The following RPAP3 variants were observed in gnomAD, a reference collection of about 807,000 sequenced individuals.
The protein encoded by RPAP3 is RNA polymerase II-associated protein 3.
RPAP3 carries 58 observed loss-of-function variants against 88.8 expected under a neutral mutation model. The ratio of observed to expected loss-of-function variants is 0.65; its 90% CI spans 0.53 to 0.81. The LOEUF (loss-of-function observed/expected upper bound fraction) is 0.81. Among genes scored for constraint, RPAP3 ranks in the 40% least tolerant of loss-of-function variants. The pLI is 0.00. For synonymous variants in RPAP3, 255 were observed against 259.9 expected, an observed-to-expected ratio of 0.98 and a Z score of 0.18; for missense variants, 751 against 764.3, an observed-to-expected ratio of 0.98 and a Z score of 0.20.
At chr12:47,698,670 T>C (rs1323292243) in intron 3 of RPAP3, among the ~76,000 whole-genome samples, 1 of 152,114 alleles carries the variant, frequency 6.6e-6, no homozygotes, top group Non-Finnish European at 1.5e-5. Context: ...TGCACCACCA[T>C]GCGCAGCTAA....
chr12:47,672,436 G>A (rs1939018781), intron 12 of RPAP3, among the ~76,000 whole-genome samples: 1 of 152,186 alleles, frequency 6.6e-6, no homozygotes, highest in Non-Finnish European at 1.5e-5. Flanking sequence ...AATTGCCTCA[G>A]CATTTATGCA....
chr12:47,704,530 G>C (rs1939735425), intron 1 of RPAP3, among the ~76,000 whole-genome samples: 1 of 149,878 alleles, frequency 6.7e-6, no homozygotes, highest in Non-Finnish European at 1.5e-5. Flanking sequence ...CACCACGCCC[G>C]GCTAATTTTT....
At chr12:47,692,271 G>A (rs774089028) in intron 5 of RPAP3, among the ~76,000 whole-genome samples, 9 of 152,334 alleles carry the variant, frequency 5.9e-5, no homozygotes, top group South Asian at 2.1e-4. Flanking sequence ...AGCTGTGAAC[G>A]CCCTAGATGG....
In RPAP3 at chr12:47,697,690, G is replaced by T. The variant is rs150350108; in HGVS notation, c.324C>A (p.Asp108Glu). The T allele has an allele frequency of 3.0e-4, 480 of 1,606,734 alleles. 2 individuals carry two copies. Among genetic ancestry groups the T allele is most frequent in the Non-Finnish European group, 3.5e-4 (417 of 1,177,014 alleles). ...VDRILDELDK[D>E]DSTHESLSQE... ...GAGACAGAGACTCATGGGTACTATC[G>T]TCTTTGTCAAGCTCATCAAGGATAC... The change falls in exon 4 of 17, where the codon GAC becomes GAA. Residue 108 changes from aspartate (D) to glutamate (E), a missense_variant. By Grantham distance (45) the Asp-to-Glu change is conservative (BLOSUM62 2). Coordinates refer to ENST00000005386, the MANE Select transcript of RPAP3 (RefSeq NM_024604.3).
In RPAP3 at chr12:47,701,592, T is replaced by C. The variant is rs773222451; in HGVS notation, c.166A>G (p.Ile56Val). The change falls in exon 3 of 17, where the codon ATT (isoleucine) becomes GTT (valine). Residue 56 changes from isoleucine to valine, a missense_variant. By Grantham distance (29) the Ile-to-Val change is conservative. Transcript: ENST00000005386. Reference protein sequence around the residue: ...NGVPEENLPPIRNGNFRKKKK... With the variant: ...NGVPEENLPPVRNGNFRKKKK... ...TTTTTCCTAAAATTCCCATTTCGAATAGGAGGTAAATTCTAAGGAGGGAAA... is the reference window on the plus strand; with the variant it reads ...TTTTTCCTAAAATTCCCATTTCGAACAGGAGGTAAATTCTAAGGAGGGAAA... 7.5e-6 allele frequency: 12 copies of C among 1,589,622 alleles called. No homozygotes were observed. The highest frequency in any genetic ancestry group is 2.3e-5 in the East Asian group (1 of 43,870).
At chr12:47,673,444 CAAAAAAAAAAAAAAA>C (rs35080899) in intron 12 of RPAP3, among the ~76,000 whole-genome samples, 12 of 60,766 alleles carry the variant, frequency 2.0e-4, no homozygotes, top group Admixed American at 3.7e-4. Flanking sequence ...AACTCCGTCT[CAAAAAAAAAAAAAAA>C]AAAAAAAAAA....
intron 15 of RPAP3, 82 bp downstream of exon 15, chr12:47,667,672 T>G (rs1314116104): frequency 2.8e-6 from 2 of 714,168 alleles, no homozygotes; most frequent in Non-Finnish European, 4.7e-6. Context: ...CTTAATCATT[T>G]TAATTAAAAT....
chr12:47,690,837 G>C (rs768709617), intron 5 of RPAP3, among the ~76,000 whole-genome samples, 198 bp from the exon 6 acceptor site: 2 of 152,166 alleles, frequency 1.3e-5, no homozygotes, highest in Non-Finnish European at 2.9e-5. Flanking sequence ...TTTGATTCTA[G>C]ACCACCACAA....
chr12:47,668,982 C>A lies in RPAP3; in HGVS notation c.1647G>T (p.Ser549=), dbSNP rs143362784. The A allele has an allele frequency of 6.2e-7, 1 of 1,613,984 alleles. No individual in the cohort carries two copies. Residue 549 remains serine, a synonymous_variant, in exon 14 of 17, where the codon TCG becomes TCT. Coordinates refer to ENST00000005386, the MANE Select transcript of RPAP3 (RefSeq NM_024604.3). ...GTCTGAAATCAGATTCGAGCTGGAA[C>A]GAGTTTGCAGGAATTGGAGGAAGAA... ...TTVLPPIPAN[S]FQLESDFRQL...
rs755812881 is a variant in RPAP3 at position 47,669,104 on chromosome 12, T to C, written c.1527-2A>G. 8.1e-6 allele frequency: 13 copies of C among 1,606,926 alleles called. No individual in the cohort carries two copies. The highest frequency in any genetic ancestry group is 1.1e-5 in the Non-Finnish European group (13 of 1,174,500). On this transcript the variant is annotated splice_acceptor_variant, in intron 13 of 16. Coordinates refer to ENST00000005386, the MANE Select transcript of RPAP3 (RefSeq NM_024604.3). LOFTEE classifies it high-confidence loss of function. Reference sequence around the variant, plus strand: ...TCCTGCTTCAAACTGGCTTGAGGTCTGAAATATTTCAGAGGTATCAAACAG... The same window carrying C: ...TCCTGCTTCAAACTGGCTTGAGGTCCGAAATATTTCAGAGGTATCAAACAG...
At chr12:47,698,425 C>T (rs180678971) in intron 3 of RPAP3, among the ~76,000 whole-genome samples, 67 of 152,268 alleles carry the variant, frequency 4.4e-4, no homozygotes, top group African/African-American at 1.6e-3. Context: ...ACTCACACTA[C>T]TTTCATGGTA....
chr12:47,688,241 C>T (rs7960755), intron 7 of RPAP3, among the ~76,000 whole-genome samples: 1 of 152,034 alleles, frequency 6.6e-6, no homozygotes, highest in East Asian at 1.9e-4. Context: ...ACGCCACATA[C>T]TGCATGTTTT....
intron 9 of RPAP3, among the ~76,000 whole-genome samples, chr12:47,684,969 G>C (rs1939293581): frequency 6.6e-6 from 1 of 152,086 alleles, no homozygotes; most frequent in Non-Finnish European, 1.5e-5. Flanking sequence ...GAGGGATGTG[G>C]AAACTTGTTT....
chr12:47,694,984 T>A (rs977662905), intron 5 of RPAP3, among the ~76,000 whole-genome samples: 3 of 152,184 alleles, frequency 2.0e-5, no homozygotes, highest in Admixed American at 2.0e-4. Context: ...TTTGCCATCA[T>A]CCTGTGAAGC....
intron 3 of RPAP3, among the ~76,000 whole-genome samples, 183 bp from the exon 4 acceptor site, chr12:47,697,902 G>C (rs567878464): frequency 6.6e-6 from 1 of 152,180 alleles, no homozygotes; most frequent in South Asian, 2.1e-4. Context: ...AGATGCCTTA[G>C]CTTAGAAAAC....
chr12:47,672,924 T>C (rs992966482), intron 12 of RPAP3, among the ~76,000 whole-genome samples: 1 of 152,212 alleles, frequency 6.6e-6, no homozygotes, highest in African/African-American at 2.4e-5. Flanking sequence ...GGCAATGTCT[T>C]TATAATTATG....
rs527550880 is a variant in RPAP3, at chr12:47,705,304, G to A, written c.-7+648C>T. Among the ~76,000 whole-genome samples the A allele has an allele frequency of 1.1e-4, 17 of 152,298 alleles. No homozygotes were observed. The South Asian group carries it at 3.5e-3, about 32-fold the overall frequency. ...CAGATGCAGATAGGTCTTCTGACTC[G>A]TAGCCTCAACAACTAAATTAGGTTT... is the stretch of plus-strand genomic sequence containing the variant. On this transcript the variant is annotated intron_variant, in intron 1 of 16. Coordinates refer to ENST00000005386, the MANE Select transcript of RPAP3 (RefSeq NM_024604.3).
intron 5 of RPAP3, among the ~76,000 whole-genome samples, chr12:47,693,822 A>AG (rs1426267416): frequency 1.3e-5 from 2 of 152,264 alleles, no homozygotes; most frequent in Non-Finnish European, 2.9e-5. Flanking sequence ...AAGTATTACA[A>AG]GTTTAGTAAG....
chr12:47,678,425 T>C (rs1939158444), intron 12 of RPAP3, among the ~76,000 whole-genome samples: 1 of 152,216 alleles, frequency 6.6e-6, no homozygotes, highest in East Asian at 1.9e-4. Flanking sequence ...AAAGAGCTTC[T>C]GCATGGCAAA....
Sources: gnomAD v4.1 joint callset for allele counts (sites outside exome capture counted in the v4.1 genomes callset) on GRCh38, gnomAD v4.1.1 for gene constraint, MANE v1.5 for transcripts, NCBI Gene and HGNC (gene_info 2026-07-23, HGNC 2026-07-21) for gene names.